ARPP21: variants seen among roughly 807,000 people sequenced by gnomAD.
ARPP21 encodes the protein cAMP regulated phosphoprotein 21, also known as cAMP-regulated phosphoprotein 21.
In ARPP21, 69 loss-of-function variants were observed where a neutral mutation model predicts 113.2. The ratio of observed to expected loss-of-function variants is 0.61; its 90% CI spans 0.50 to 0.74. The LOEUF (loss-of-function observed/expected upper bound fraction) is 0.74. Ranked by LOEUF, ARPP21 falls within the 30% of genes least tolerant of loss-of-function variation. The pLI, the probability that ARPP21 is intolerant of heterozygous loss-of-function variation, is 0.00. For synonymous variants in ARPP21, 368 were observed against 375.5 expected (o/e 0.98, Z 0.23); for missense variants, 1,070 against 1,037.4 (o/e 1.03, Z -0.43).
intron 1 of ARPP21, among the ~76,000 whole-genome samples, chr3:35,679,240 G>C (rs1347752352): frequency 1.3e-5 from 2 of 151,872 alleles, no homozygotes; most frequent in Non-Finnish European, 2.9e-5. Context: ...AGCTTTCTCA[G>C]CCATGCCATT....
At chr3:35,716,927 G>T (rs976227978) in intron 12 of ARPP21, among the ~76,000 whole-genome samples, 1 of 151,880 alleles carries the variant, frequency 6.6e-6, no homozygotes, top group South Asian at 2.1e-4. Context: ...TTGGATATGT[G>T]CCTCTGGAAT....
intron 1 of ARPP21, among the ~76,000 whole-genome samples, chr3:35,658,782 A>G (rs901100226): frequency 6.6e-6 from 1 of 152,054 alleles, no homozygotes; most frequent in African/African-American, 2.4e-5. Flanking sequence ...TCTGATGTGT[A>G]AGGCTGGACC....
intron 1 of ARPP21, among the ~76,000 whole-genome samples, chr3:35,675,065 A>C (rs750639287): frequency 4.0e-5 from 6 of 151,628 alleles, no homozygotes; most frequent in Non-Finnish European, 5.9e-5. Flanking sequence ...CTGGTTCTAG[A>C]TCTTGTCCAA....
intron 19 of ARPP21, among the ~76,000 whole-genome samples, chr3:35,748,377 AAAG>A (rs1393631803): frequency 1.3e-5 from 2 of 151,384 alleles, no homozygotes; most frequent in African/African-American, 4.8e-5. Context: ...AAAAGGAAAG[AAAG>A]AAAGAAAAAG....
intron 9 of ARPP21, among the ~76,000 whole-genome samples, chr3:35,700,309 T>A (rs1272904567): frequency 6.6e-6 from 1 of 151,836 alleles, no homozygotes; most frequent in Non-Finnish European, 1.5e-5. Context: ...TATGTCTGTA[T>A]GCTTTAAACT....
At chr3:35,710,679 C>T (rs555247974) in intron 11 of ARPP21, among the ~76,000 whole-genome samples, 3 of 152,010 alleles carry the variant, frequency 2.0e-5, no homozygotes, top group East Asian at 3.9e-4. Context: ...AATGCACATG[C>T]AATATTATGC....
At chr3:35,650,334 A>G (rs188017347) in intron 1 of ARPP21, 400 of 152,212 alleles carry the variant, frequency 2.6e-3, no homozygotes, top group African/African-American at 7.9e-3. Flanking sequence ...GAAGTTTTCT[A>G]TGTATTGTGT....
chr3:35,698,453 A>T (rs1402185920), intron 9 of ARPP21, among the ~76,000 whole-genome samples: 1 of 151,666 alleles, frequency 6.6e-6, no homozygotes, highest in Non-Finnish European at 1.5e-5. Context: ...AATATTTTAT[A>T]GAGATTTTCT....
chr3:35,681,805 G>A lies in ARPP21; in HGVS notation c.54G>A (p.Glu18=), dbSNP rs1436734280. The change falls in exon 3 of 21, where the codon GAG becomes GAA. Residue 18 remains glutamate (E), a synonymous_variant. Coordinates refer to ENST00000684406, the MANE Select transcript of ARPP21 (RefSeq NM_001385562.1). ...NQAIAEEGGT[E]QETATPENGI... is the part of the protein sequence containing the mutation. ...CAATAGCAGAGGAAGGAGGGACTGAGCAGGAGACGGCCACTCCAGAGAACG... is the reference window on the plus strand; with the variant it reads ...CAATAGCAGAGGAAGGAGGGACTGAACAGGAGACGGCCACTCCAGAGAACG... 6.2e-7 allele frequency: 1 copy of A among 1,611,708 alleles called. No individual in the cohort carries two copies. Among genetic ancestry groups the A allele is most frequent in the Non-Finnish European group, 8.5e-7 (1 of 1,178,400 alleles).
intron 14 of ARPP21, among the ~76,000 whole-genome samples, chr3:35,724,139 T>A (rs1341247698): frequency 6.6e-6 from 1 of 152,222 alleles, no homozygotes; most frequent in Admixed American, 6.5e-5. Context: ...TTTTTCCACA[T>A]TGGAAACACA....
intron 19 of ARPP21, among the ~76,000 whole-genome samples, chr3:35,788,916 C>T (rs772739521): frequency 3.3e-5 from 5 of 152,178 alleles, no homozygotes; most frequent in Non-Finnish European, 7.4e-5. Flanking sequence ...TTGCCAAGTG[C>T]GTTCTTTTAT....
At chr3:35,688,698 G>A (rs2081329100) in intron 6 of ARPP21, among the ~76,000 whole-genome samples, 1 of 151,542 alleles carries the variant, frequency 6.6e-6, no homozygotes, top group Admixed American at 6.6e-5. Flanking sequence ...GCTTATAATT[G>A]TTGTTTCTGC....
chr3:35,708,041 T>C (rs1485359679), intron 10 of ARPP21, among the ~76,000 whole-genome samples: 4 of 152,150 alleles, frequency 2.6e-5, no homozygotes, highest in African/African-American at 9.7e-5. Context: ...CGGTGAGTCA[T>C]TCAGCCAGTA....
At chr3:35,711,289 C>T (rs1444645601) in intron 11 of ARPP21, among the ~76,000 whole-genome samples, 3 of 152,176 alleles carry the variant, frequency 2.0e-5, no homozygotes, top group Non-Finnish European at 2.9e-5. Context: ...AAGTCCCAGA[C>T]ATCATTTGCA....
chr3:35,690,170 G>T, intron 8 of ARPP21, 30 bp downstream of exon 8: 1 of 1,058,982 alleles, frequency 9.4e-7, no homozygotes, highest in South Asian at 1.3e-5. Flanking sequence ...TGGTTAATTT[G>T]ATCATGTATC....
intron 9 of ARPP21, among the ~76,000 whole-genome samples, chr3:35,701,145 T>G (rs1054882640): frequency 3.3e-5 from 5 of 151,672 alleles, no homozygotes; most frequent in Admixed American, 3.3e-4. Flanking sequence ...CCAAAACATT[T>G]CAAGTTTTAC....
intron 8 of ARPP21, among the ~76,000 whole-genome samples, chr3:35,690,387 T>C (rs553241092): frequency 7.9e-5 from 12 of 151,644 alleles, no homozygotes; most frequent in Admixed American, 6.6e-4. Flanking sequence ...CTGATTAGCA[T>C]AGAGTAGCTG....
chr3:35,680,268 C>T (rs1402751947), intron 2 of ARPP21, among the ~76,000 whole-genome samples: 1 of 151,904 alleles, frequency 6.6e-6, no homozygotes, highest in African/African-American at 2.4e-5. Context: ...GTTAACCACG[C>T]ATACTGAGTG....
At chr3:35,660,722 C>T (rs1707360896) in intron 1 of ARPP21, among the ~76,000 whole-genome samples, 1 of 152,130 alleles carries the variant, frequency 6.6e-6, no homozygotes, top group Non-Finnish European at 1.5e-5. Flanking sequence ...AGGAGAATGA[C>T]TAACTTTTGA....
Sources: gnomAD v4.1 joint callset for allele counts (sites outside exome capture counted in the v4.1 genomes callset) on GRCh38, gnomAD v4.1.1 for gene constraint, MANE v1.5 for transcripts, NCBI Gene and HGNC (gene_info 2026-07-23, HGNC 2026-07-21) for gene names.